The following PSD3 variants were observed in gnomAD, a reference collection of about 807,000 sequenced individuals.
PSD3 encodes the protein pleckstrin and Sec7 domain containing 3.
A neutral mutation model predicts 105.5 loss-of-function variants in PSD3; 49 were observed. The ratio of observed to expected loss-of-function variants is 0.46; its 90% CI spans 0.37 to 0.59. PSD3 has a LOEUF of 0.59. PSD3 is among the 20% of genes least tolerant of loss of function. PSD3 has a pLI of 0.00. For missense variants in PSD3, 1,561 were observed against 1,263.8 expected, an observed-to-expected ratio of 1.24 and a Z score of -3.57; for synonymous variants, 557 against 457.8, an observed-to-expected ratio of 1.22 and a Z score of -2.77.
chr8:18,779,370 G>C (rs1563257326), intron 8 of PSD3, among the ~76,000 whole-genome samples: 1 of 150,662 alleles, frequency 6.6e-6, no homozygotes, highest in Non-Finnish European at 1.5e-5. Flanking sequence ...ATTTATGAAT[G>C]TTGTTTATTC....
intron 10 of PSD3, among the ~76,000 whole-genome samples, chr8:18,644,072 C>A (rs940126210): frequency 6.6e-6 from 1 of 152,208 alleles, no homozygotes; most frequent in African/African-American, 2.4e-5. Flanking sequence ...ACCTCTGGGA[C>A]TGTGATGGAA....
intron 4 of PSD3, among the ~76,000 whole-genome samples, chr8:18,827,120 A>G (rs553605531): frequency 2.0e-5 from 3 of 152,320 alleles, no homozygotes; most frequent in Admixed American, 6.5e-5. Context: ...GCCGGGCACC[A>G]TATGAATAAA....
intron 9 of PSD3, among the ~76,000 whole-genome samples, chr8:18,750,377 G>A (rs1805375043): frequency 6.6e-6 from 1 of 152,138 alleles, no homozygotes; most frequent in Non-Finnish European, 1.5e-5. Context: ...TTTGCGATGA[G>A]TGTTACAGCT....
intron 1 of PSD3, among the ~76,000 whole-genome samples, chr8:18,966,370 G>C (rs12681027): frequency 1.3e-5 from 2 of 151,968 alleles, no homozygotes; most frequent in Admixed American, 1.3e-4. Flanking sequence ...AGCAGTTCAA[G>C]AACAGCCTGG....
At chr8:18,802,723 A>G (rs1810808583) in intron 6 of PSD3, among the ~76,000 whole-genome samples, 1 of 152,188 alleles carries the variant, frequency 6.6e-6, no homozygotes. Flanking sequence ...TTAAAGGGTT[A>G]CACTAGATGA....
At chr8:18,976,803 T>A (rs747618906) in intron 1 of PSD3, among the ~76,000 whole-genome samples, 1 of 152,180 alleles carries the variant, frequency 6.6e-6, no homozygotes, top group South Asian at 2.1e-4. Flanking sequence ...AGTATGACAA[T>A]ATTGCCGCAT....
intron 1 of PSD3, among the ~76,000 whole-genome samples, chr8:19,049,780 T>C (rs1037678748): frequency 4.6e-5 from 7 of 151,444 alleles, no homozygotes; most frequent in Non-Finnish European, 1.0e-4. Flanking sequence ...GGTTATTTTC[T>C]CTCCTCGGCC....
chr8:18,556,518 A>G (rs1801084379), intron 14 of PSD3, among the ~76,000 whole-genome samples, 166 bp from the exon 15 acceptor site: 1 of 152,190 alleles, frequency 6.6e-6, no homozygotes, highest in African/African-American at 2.4e-5. Context: ...CCCTGTCCAC[A>G]TATTTCATAT....
chr8:18,850,776 C>T (rs1242356621), intron 4 of PSD3, among the ~76,000 whole-genome samples: 1 of 152,152 alleles, frequency 6.6e-6, no homozygotes, highest in Non-Finnish European at 1.5e-5. Flanking sequence ...CGCGACTCTT[C>T]CCAAGTCTCA....
intron 10 of PSD3, among the ~76,000 whole-genome samples, chr8:18,644,089 G>C (rs1276125457): frequency 6.6e-6 from 1 of 152,208 alleles, no homozygotes; most frequent in Admixed American, 6.5e-5. Context: ...GGAATGGGCA[G>C]CCTCAAAGAT....
intron 9 of PSD3, among the ~76,000 whole-genome samples, chr8:18,752,521 T>TATATATTATATATA (rs1258432832): frequency 1.2e-5 from 1 of 81,186 alleles, no homozygotes; most frequent in African/African-American, 8.1e-5. Context: ...ATATATGTAA[T>TATATATTATATATA]ATATATAATT....
chr8:18,961,258 C>G (rs1324482708), intron 1 of PSD3, among the ~76,000 whole-genome samples: 3 of 152,144 alleles, frequency 2.0e-5, no homozygotes, highest in Non-Finnish European at 4.4e-5. Context: ...AAACAACACT[C>G]TTTTTTACTT....
At chr8:18,737,896 T>G (rs762895700) in intron 9 of PSD3, among the ~76,000 whole-genome samples, 1 of 152,218 alleles carries the variant, frequency 6.6e-6, no homozygotes, top group Non-Finnish European at 1.5e-5. Flanking sequence ...AGTATGCCCT[T>G]GCACAGATCC....
At chr8:18,548,990 A>C (rs1333624738) in intron 15 of PSD3, among the ~76,000 whole-genome samples, 1 of 152,108 alleles carries the variant, frequency 6.6e-6, no homozygotes, top group Non-Finnish European at 1.5e-5. Flanking sequence ...TTAGCCTCTT[A>C]GGCAGCATCC....
At chr8:18,795,206 A>G (rs1450550107) in intron 8 of PSD3, among the ~76,000 whole-genome samples, 2 of 152,170 alleles carry the variant, frequency 1.3e-5, no homozygotes, top group East Asian at 3.9e-4. Context: ...CAAACTTACA[A>G]CCCAACACTA....
chr8:18,963,545 C>T (rs532518863), intron 1 of PSD3, among the ~76,000 whole-genome samples: 180 of 152,120 alleles, frequency 1.2e-3, no homozygotes, highest in Middle Eastern at 3.4e-3. Context: ...TCTCTCAAAC[C>T]GATTCAGAGG....
At chr8:18,919,530 G>C (rs1820852778) in intron 2 of PSD3, among the ~76,000 whole-genome samples, 1 of 151,918 alleles carries the variant, frequency 6.6e-6, no homozygotes, top group Admixed American at 6.6e-5. Context: ...TTTTTAACAA[G>C]CATGGAAAGC....
intron 1 of PSD3, among the ~76,000 whole-genome samples, chr8:18,940,847 C>T (rs767929442): frequency 7.2e-5 from 11 of 152,152 alleles, no homozygotes; most frequent in South Asian, 4.1e-4. Flanking sequence ...CCAAAAACCA[C>T]GCTTCTGTCT....
At chr8:18,808,521 A>T (rs1315331807) in intron 4 of PSD3, among the ~76,000 whole-genome samples, 5 of 152,142 alleles carry the variant, frequency 3.3e-5, no homozygotes, top group Non-Finnish European at 7.3e-5. Flanking sequence ...GATTTCACCT[A>T]ATTTTCCTCA....
Sources: allele counts gnomAD v4.1 joint callset (sites outside exome capture counted in the v4.1 genomes callset), GRCh38; gene constraint gnomAD v4.1.1; transcripts MANE v1.5; gene names NCBI Gene and HGNC (gene_info 2026-07-23, HGNC 2026-07-21).